The following CNTLN variants were observed in gnomAD, a reference collection of about 807,000 sequenced individuals.
The protein encoded by CNTLN is centlein, also known as centlein, centrosomal protein.
CNTLN carries 212 observed loss-of-function variants against 180.0 expected under a neutral mutation model. The observed-to-expected ratio is 1.18, with a 90% CI of 1.05 to 1.32. CNTLN has a LOEUF of 1.32. CNTLN is among the 40% of genes most tolerant of loss of function. The pLI, the probability that CNTLN is intolerant of heterozygous loss-of-function variation, is 0.00. For synonymous variants in CNTLN, 722 were observed against 563.1 expected, an observed-to-expected ratio of 1.28 and a Z score of -3.99; for missense variants, 2,095 against 1,610.9, an observed-to-expected ratio of 1.30 and a Z score of -5.14.
chr9:17,331,990 A>G lies in CNTLN; in HGVS notation c.1519-615A>G, dbSNP rs551511684. On this transcript the variant is annotated intron_variant, in intron 9 of 25. Coordinates refer to ENST00000380647, the MANE Select transcript of CNTLN (RefSeq NM_017738.4). The stretch of plus-strand genomic sequence containing the variant: ...CTTTTTGTAAGGCCATGCAGTAAGG[A>G]TGAGCACTGTGTTGCCCAGCTTAAT... 8.5e-5 allele frequency among the ~76,000 whole-genome samples: 13 copies of G among 152,174 alleles called. No homozygotes were observed. The East Asian group carries it at 1.7e-3, about 20-fold the overall frequency.
chr9:17,366,962 T>G (rs768855466), intron 13 of CNTLN, among the ~76,000 whole-genome samples: 2 of 152,004 alleles, frequency 1.3e-5, no homozygotes, highest in African/African-American at 4.8e-5. Flanking sequence ...AATAGAAGAC[T>G]TTATGCTGTG....
At chr9:17,441,593 CA>C (rs199758646) in intron 18 of CNTLN, among the ~76,000 whole-genome samples, 12,231 of 90,626 alleles carry the variant, frequency 0.13, 722 homozygotes, top group East Asian at 0.31. Flanking sequence ...CGTGTCACTG[CA>C]AAAAAAAAAA....
chr9:17,480,409 A>G (rs1004959344), intron 23 of CNTLN, among the ~76,000 whole-genome samples: 2 of 152,166 alleles, frequency 1.3e-5, no homozygotes, highest in Non-Finnish European at 2.9e-5. Flanking sequence ...TTTGTGAAGA[A>G]AATGTAGAAA....
intron 8 of CNTLN, among the ~76,000 whole-genome samples, chr9:17,310,367 T>A (rs914599037): frequency 4.6e-5 from 7 of 152,176 alleles, no homozygotes; most frequent in Admixed American, 2.6e-4. Flanking sequence ...GACTCATCAT[T>A]ATGTTACTAA....
At chr9:17,319,760 A>T (rs551186838) in intron 8 of CNTLN, among the ~76,000 whole-genome samples, 2 of 152,322 alleles carry the variant, frequency 1.3e-5, no homozygotes, top group African/African-American at 4.8e-5. Flanking sequence ...TTAATTTATT[A>T]TACAGGGAAG....
intron 1 of CNTLN, among the ~76,000 whole-genome samples, chr9:17,139,420 G>A (rs1308317301): frequency 6.6e-6 from 1 of 151,902 alleles, no homozygotes; most frequent in African/African-American, 2.4e-5. Flanking sequence ...CAGTAGTTTG[G>A]GAGGCTGAGA....
the CNTLN span, among the ~76,000 whole-genome samples, chr9:17,521,341 T>A: frequency 3.3e-5 from 5 of 149,830 alleles, no homozygotes; most frequent in African/African-American, 1.2e-4. Context: ...AAGGCACTAA[T>A]AGAGCAATCT....
At chr9:17,428,296 GATA>G (rs138346089) in intron 18 of CNTLN, among the ~76,000 whole-genome samples, 4 of 152,034 alleles carry the variant, frequency 2.6e-5, no homozygotes, top group Non-Finnish European at 5.9e-5. Context: ...GACAGATTAT[GATA>G]ATAATAATAG....
intron 15 of CNTLN, among the ~76,000 whole-genome samples, chr9:17,395,456 T>A (rs1460330156): frequency 6.6e-6 from 1 of 152,188 alleles, no homozygotes; most frequent in Non-Finnish European, 1.5e-5. Context: ...TTTAGTTATC[T>A]TGTGACATAC....
chr9:17,173,360 C>T (rs990521055), intron 2 of CNTLN, among the ~76,000 whole-genome samples: 6 of 152,106 alleles, frequency 3.9e-5, no homozygotes, highest in African/African-American at 1.2e-4. Context: ...TTATGAAATA[C>T]ATGTGCGTAT....
rs1207463163 is a variant in CNTLN, at chr9:17,261,192, T to G, written c.850-12541T>G. On this transcript the variant is annotated intron_variant, in intron 5 of 25. Transcript: ENST00000380647. ...GGTTTCATATAAATTTTGGAATAGT[T>G]TTTGTAATTCTGTCAAAAGTGACGT... Among the ~76,000 whole-genome samples, 3 of 151,474 alleles carry G rather than the reference T, an allele frequency of 2.0e-5. 1 individual carries two copies. Among genetic ancestry groups the G allele is most frequent in the African/African-American group, 7.3e-5 (3 of 40,874 alleles).
intron 18 of CNTLN, among the ~76,000 whole-genome samples, chr9:17,426,830 C>A (rs1279143699): frequency 6.6e-6 from 1 of 151,824 alleles, no homozygotes; most frequent in Non-Finnish European, 1.5e-5. Flanking sequence ...ATTCCTTGAA[C>A]CCTGTCTTTG....
chr9:17,310,744 C>CTTCTTA (rs954884956), intron 8 of CNTLN, among the ~76,000 whole-genome samples: 15 of 152,238 alleles, frequency 9.9e-5, no homozygotes, highest in African/African-American at 3.4e-4. Flanking sequence ...TGTTGTCAGA[C>CTTCTTA]TTCTTAATTC....
intron 2 of CNTLN, among the ~76,000 whole-genome samples, chr9:17,185,586 G>A (rs551830787): frequency 3.3e-5 from 5 of 152,116 alleles, no homozygotes; most frequent in African/African-American, 1.2e-4. Flanking sequence ...CTCTTGGTTT[G>A]TGAGTTTGTG....
intron 10 of CNTLN, among the ~76,000 whole-genome samples, chr9:17,340,310 A>G (rs1442121472): frequency 6.6e-6 from 1 of 152,114 alleles, no homozygotes; most frequent in African/African-American, 2.4e-5. Context: ...AGAAGGTTAA[A>G]CTATGCTCCT....
At chr9:17,432,701 C>A (rs751411391) in intron 18 of CNTLN, among the ~76,000 whole-genome samples, 1 of 152,010 alleles carries the variant, frequency 6.6e-6, no homozygotes, top group Non-Finnish European at 1.5e-5. Flanking sequence ...AGTATAAATT[C>A]TATTCTCTGT....
intron 6 of CNTLN, among the ~76,000 whole-genome samples, chr9:17,289,776 T>A (rs1189073327): frequency 6.9e-6 from 1 of 144,264 alleles, no homozygotes; most frequent in East Asian, 2.0e-4. Flanking sequence ...CCATTGCTGA[T>A]ACCCTTTCTT....
chr9:17,225,037 C>T lies in CNTLN; in HGVS notation c.450-1166C>T, dbSNP rs147348103. On this transcript the variant is annotated intron_variant, in intron 2 of 25. Transcript: ENST00000380647. ...TTATAGTTGCCTTTAAATTGTCAAT[C>T]TCACCCTAGTCTCTTTCCTGAAATA... 5.5e-3 allele frequency among the ~76,000 whole-genome samples: 841 copies of T among 152,036 alleles called. 7 individuals carry two copies. Among genetic ancestry groups the T allele is most frequent in the Middle Eastern group, 0.034 (10 of 294 alleles).
chr9:17,289,420 TTC>T (rs1829214601), intron 6 of CNTLN, among the ~76,000 whole-genome samples: 1 of 119,930 alleles, frequency 8.3e-6, no homozygotes, highest in East Asian at 2.4e-4. Flanking sequence ...AACCCGACCT[TTC>T]TCTCTGGCTG....
Sources: allele counts gnomAD v4.1 joint callset (sites outside exome capture counted in the v4.1 genomes callset), GRCh38; gene constraint gnomAD v4.1.1; transcripts MANE v1.5; gene names NCBI Gene and HGNC (gene_info 2026-07-23, HGNC 2026-07-21).